Variants in ZFHX4 observed in about 807,000 individuals in gnomAD.
ZFHX4 encodes the protein zinc finger homeobox 4.
Under a neutral mutation model 267.6 loss-of-function variants are expected in ZFHX4, and 56 were observed. That is an observed-to-expected ratio of 0.21 (90% confidence interval 0.17 to 0.26). ZFHX4 has a LOEUF of 0.26. Among genes scored for constraint, ZFHX4 ranks in the 10% least tolerant of loss-of-function variants. The pLI is 1.00. For synonymous variants in ZFHX4, 1,778 were observed against 1,665.6 expected (o/e 1.07, Z -1.64); for missense variants, 4,332 against 4,420.0 (o/e 0.98, Z 0.56).
At chr8:76,822,726 G>T (rs886928048) in intron 4 of ZFHX4, among the ~76,000 whole-genome samples, 9 of 151,894 alleles carry the variant, frequency 5.9e-5, no homozygotes, top group Non-Finnish European at 4.4e-5. Flanking sequence ...CAGGCATGAG[G>T]CACCACTCCC....
intron 4 of ZFHX4, among the ~76,000 whole-genome samples, chr8:76,786,701 C>A (rs972701190): frequency 6.6e-6 from 1 of 152,010 alleles, no homozygotes; most frequent in African/African-American, 2.4e-5. Flanking sequence ...AATAATTATA[C>A]CTTTGTTACA....
intron 4 of ZFHX4, among the ~76,000 whole-genome samples, chr8:76,794,463 A>G (rs933402497): frequency 2.0e-5 from 3 of 152,092 alleles, no homozygotes; most frequent in Non-Finnish European, 4.4e-5. Context: ...TTCATGTTTG[A>G]CCACAGATTT....
intron 4 of ZFHX4, 94 bp downstream of exon 4, chr8:76,778,533 C>T: frequency 9.7e-7 from 1 of 1,034,052 alleles, no homozygotes; most frequent in South Asian, 1.4e-5. Flanking sequence ...ACGCCTCAAA[C>T]TCTCCAACTC....
At chr8:76,860,769 CGAATGGAAA>C (rs1812844507) in intron 10 of ZFHX4, among the ~76,000 whole-genome samples, 4 of 151,970 alleles carry the variant, frequency 2.6e-5, no homozygotes, top group South Asian at 2.1e-4. Flanking sequence ...CTTTAACTGT[CGAATGGAAA>C]ATAGTGTATA....
intron 4 of ZFHX4, among the ~76,000 whole-genome samples, chr8:76,798,807 G>A (rs1161317538): frequency 6.6e-6 from 1 of 152,058 alleles, no homozygotes; most frequent in African/African-American, 2.4e-5. Flanking sequence ...ATTTGATTTG[G>A]ATGCCACCTC....
intron 3 of ZFHX4, among the ~76,000 whole-genome samples, chr8:76,736,962 A>G (rs1029780610): frequency 1.3e-5 from 2 of 152,166 alleles, no homozygotes; most frequent in Admixed American, 6.6e-5. Context: ...ATGGGACACT[A>G]CAAACATGAG....
chr8:76,685,100 T>A (rs990753085), intron 1 of ZFHX4, among the ~76,000 whole-genome samples: 26 of 152,146 alleles, frequency 1.7e-4, no homozygotes, highest in Admixed American at 7.2e-4. Flanking sequence ...TTAAAGATAA[T>A]ACATTTAAGA....
rs745641241 is a variant in ZFHX4, at chr8:76,864,155, A to C, written c.10441A>C (p.Arg3481=). The change falls in exon 11 of 11, where the codon AGA becomes CGA. Residue 3481 remains arginine (R), a synonymous_variant. Coordinates refer to ENST00000651372, the MANE Select transcript of ZFHX4 (RefSeq NM_024721.5). ...HKEKTIKQAM[R]NAKEHVRLLP... Reference sequence around the variant, plus strand: ...AGAGAAAACAATCAAACAAGCAATGAGAAATGCCAAAGAGCATGTTAGATT... The same window carrying C: ...AGAGAAAACAATCAAACAAGCAATGCGAAATGCCAAAGAGCATGTTAGATT... 10 of 1,613,862 alleles carry C rather than the reference A, an allele frequency of 6.2e-6. No homozygotes were observed. The East Asian group carries it at 2.2e-4, about 36-fold the overall frequency.
intron 3 of ZFHX4, among the ~76,000 whole-genome samples, chr8:76,739,194 T>C (rs1345969449): frequency 1.3e-5 from 2 of 152,286 alleles, no homozygotes; most frequent in East Asian, 3.9e-4. Context: ...TAGAACCTTC[T>C]CCAAGAACAA....
intron 4 of ZFHX4, among the ~76,000 whole-genome samples, chr8:76,819,633 T>C (rs1190742588): frequency 6.6e-6 from 1 of 152,180 alleles, no homozygotes; most frequent in African/African-American, 2.4e-5. Context: ...TCCATGCATT[T>C]GGCAGGAAGA....
chr8:76,852,216 T>C lies in ZFHX4; in HGVS notation c.5295T>C (p.Pro1765=). ...GLPGSATFGM[P]GMTGMAGSLL... ...CAGGCTCTGCCACATTTGGGATGCC[T>C]GGCATGACAGGAATGGCTGGCTCCT... Residue 1765 remains proline (P), a synonymous_variant, in exon 10 of 11, where the codon CCT becomes CCC. Coordinates refer to ENST00000651372, the MANE Select transcript of ZFHX4 (RefSeq NM_024721.5). 1 of 1,613,560 alleles carries C rather than the reference T, an allele frequency of 6.2e-7. No homozygotes were observed. Among genetic ancestry groups the C allele is most frequent in the Non-Finnish European group, 8.5e-7 (1 of 1,179,690 alleles).
In ZFHX4 at chr8:76,852,863, T is replaced by G. The variant is rs1382028116; in HGVS notation, c.5942T>G (p.Phe1981Cys). ...TTTCCATATGCAGCGCTAGAAAAAT[T>G]TGCTCGTCAATACAGGGAGGCCTAT... ...QFFPYAALEKFARQYREAYDK... is the reference protein window; with the variant it reads ...QFFPYAALEKCARQYREAYDK... Residue 1981 changes from phenylalanine (F) to cysteine (C), a missense_variant, in exon 10 of 11, where the codon TTT (phenylalanine) becomes TGT (cysteine). By Grantham distance (205) the Phe-to-Cys change is radical. Coordinates refer to ENST00000651372, the MANE Select transcript of ZFHX4 (RefSeq NM_024721.5). 6.2e-7 allele frequency: 1 copy of G among 1,613,812 alleles called. No homozygotes were observed. The highest frequency in any genetic ancestry group is 1.1e-5 in the South Asian group (1 of 91,048).
chr8:76,796,328 A>C (rs1230538275), intron 4 of ZFHX4, among the ~76,000 whole-genome samples: 1 of 152,206 alleles, frequency 6.6e-6, no homozygotes, highest in Non-Finnish European at 1.5e-5. Flanking sequence ...TTTCTATAGA[A>C]TATGTAGAGA....
chr8:76,853,743 C>T lies in ZFHX4; in HGVS notation c.6822C>T (p.Phe2274=), dbSNP rs1278938528. The part of the protein sequence containing the change: ...NLPTRVIVVW[F]QNARQKARKS... ...CTACCCGGGTTATTGTTGTATGGTT[C>T]CAGAATGCTCGTCAGAAAGCACGAA... Residue 2274 remains phenylalanine (F), a synonymous_variant, in exon 10 of 11, where the codon TTC becomes TTT. Coordinates refer to ENST00000651372, the MANE Select transcript of ZFHX4 (RefSeq NM_024721.5). 1 of 1,613,584 alleles carries T rather than the reference C, an allele frequency of 6.2e-7. No individual in the cohort carries two copies.
Position 76,705,157 on chromosome 8 carries a change from G to C in ZFHX4, c.1069G>C (p.Asp357His), listed in dbSNP as rs545258517. Residue 357 changes from aspartate to histidine, a missense_variant, in exon 2 of 11, where the codon GAT (aspartate) becomes CAT (histidine). Coordinates refer to ENST00000651372, the MANE Select transcript of ZFHX4 (RefSeq NM_024721.5). ...TTCTACTACAAACCTCATAGGACCC[G>C]ATCCAACCTTCCGCGGTTTATGGAG... is the stretch of plus-strand genomic sequence containing the variant. ...HFSTTNLIGP[D>H]PTFRGLWSAF... 1 of 1,613,722 alleles carries C rather than the reference G, an allele frequency of 6.2e-7. No individual in the cohort carries two copies. Among genetic ancestry groups the C allele is most frequent in the Non-Finnish European group, 8.5e-7 (1 of 1,179,894 alleles).
In ZFHX4 at chr8:76,852,527, A is replaced by G. The variant is rs748099041; in HGVS notation, c.5606A>G (p.Lys1869Arg). 3.7e-6 allele frequency: 6 copies of G among 1,609,010 alleles called. No individual in the cohort carries two copies. The South Asian group carries it at 5.6e-5, about 15-fold the overall frequency. Residue 1869 changes from lysine to arginine, a missense_variant, in exon 10 of 11, where the codon AAG (lysine) becomes AGG (arginine). Physicochemically the swap from Lys to Arg is conservative, Grantham distance 26. This residue lies in a region of ZFHX4 where 1,371 missense variants were observed against 1,423.1 expected (regional missense o/e 0.96). Transcript: ENST00000651372. ...EDISEKPEKPKQEFISEGEGL... is the reference protein window; with the variant it reads ...EDISEKPEKPRQEFISEGEGL... ...ATTTCTGAAAAGCCAGAAAAACCAA[A>G]GCAGGAATTTATAAGTGAAGGTGAA...
intron 4 of ZFHX4, among the ~76,000 whole-genome samples, chr8:76,811,437 C>T (rs183325943): frequency 6.6e-6 from 1 of 152,140 alleles, no homozygotes; most frequent in Admixed American, 6.5e-5. Context: ...GGCTTCTATA[C>T]TTATGACTGT....
At chr8:76,741,353 C>G (rs1445561642) in intron 3 of ZFHX4, among the ~76,000 whole-genome samples, 2 of 152,112 alleles carry the variant, frequency 1.3e-5, no homozygotes, top group African/African-American at 4.8e-5. Flanking sequence ...AAAACTACAG[C>G]TCTGTTAGGG....
intron 3 of ZFHX4, among the ~76,000 whole-genome samples, chr8:76,732,767 AG>A (rs1248710365): frequency 3.9e-5 from 6 of 152,194 alleles, no homozygotes; most frequent in African/African-American, 1.2e-4. Flanking sequence ...ATACCTTCGA[AG>A]GATTCTCCAT....
Sources: allele counts gnomAD v4.1 joint callset (sites outside exome capture counted in the v4.1 genomes callset), GRCh38; gene constraint gnomAD v4.1.1; regional missense constraint gnomAD v4.1.1; transcripts MANE v1.5; gene names NCBI Gene and HGNC (gene_info 2026-07-23, HGNC 2026-07-21).